The following CAST variants were observed in gnomAD, a reference collection of about 807,000 sequenced individuals.
The protein encoded by CAST is MIR583 host.
CAST carries 76 observed loss-of-function variants against 119.6 expected under a neutral mutation model. The observed-to-expected ratio is 0.64, with a 90% CI of 0.53 to 0.77. The LOEUF is 0.77. CAST is among the 30% of genes least tolerant of loss of function. CAST has a pLI of 0.00. For missense variants in CAST, 953 were observed against 946.5 expected, an observed-to-expected ratio of 1.01 and a Z score of -0.09; for synonymous variants, 319 against 331.6, an observed-to-expected ratio of 0.96 and a Z score of 0.41.
At chr5:96,114,995 G>A in the CAST span, among the ~76,000 whole-genome samples, 5 of 152,190 alleles carry the variant, frequency 3.3e-5, no homozygotes, top group East Asian at 9.6e-4. Context: ...TGTAGTATCT[G>A]TCTCATGGGG....
At chr5:96,604,501 A>C (rs1747215729) in intron 1 of CAST, among the ~76,000 whole-genome samples, 1 of 152,230 alleles carries the variant, frequency 6.6e-6, no homozygotes, top group South Asian at 2.1e-4. Flanking sequence ...AGAAATATGT[A>C]GAAAGAGGTC....
At chr5:96,105,810 G>A in the CAST span, among the ~76,000 whole-genome samples, 5 of 152,310 alleles carry the variant, frequency 3.3e-5, no homozygotes, top group South Asian at 2.1e-4. Context: ...AGAAGGAATG[G>A]TACCAGTTCC....
At chr5:96,364,330 G>A in the CAST span, among the ~76,000 whole-genome samples, 1 of 152,190 alleles carries the variant, frequency 6.6e-6, no homozygotes, top group Admixed American at 6.5e-5. Context: ...TTGGTATCAG[G>A]ATGATGCTGG....
chr5:96,318,429 G>A, the CAST span: 1 of 152,216 alleles, frequency 6.6e-6, no homozygotes, highest in Non-Finnish European at 1.5e-5. Context: ...AAGTTTTCAG[G>A]AACTGTGTTT....
chr5:96,163,750 C>T, the CAST span, among the ~76,000 whole-genome samples: 1 of 152,150 alleles, frequency 6.6e-6, no homozygotes, highest in East Asian at 1.9e-4. Flanking sequence ...ACCTACAATG[C>T]AATCTTGTGT....
At chr5:96,109,985 A>G in the CAST span, among the ~76,000 whole-genome samples, 7 of 152,190 alleles carry the variant, frequency 4.6e-5, no homozygotes, top group African/African-American at 1.7e-4. Context: ...ATCGAGTGGA[A>G]ATTTAGAAAT....
At chr5:96,259,597 G>A in the CAST span, among the ~76,000 whole-genome samples, 24 of 152,088 alleles carry the variant, frequency 1.6e-4, no homozygotes, top group African/African-American at 4.6e-4. Flanking sequence ...TTATACCTCC[G>A]ATCACAGTGA....
At chr5:96,103,848 C>A in the CAST span, among the ~76,000 whole-genome samples, 1 of 150,710 alleles carries the variant, frequency 6.6e-6, no homozygotes, top group Admixed American at 6.6e-5. Context: ...TTCTCCACAT[C>A]CTCTCCAGCA....
At chr5:96,663,083 C>G in intron 1 of CAST, 1 of 702,038 alleles carries the variant, frequency 1.4e-6, no homozygotes, top group Non-Finnish European at 2.6e-6. Flanking sequence ...ACGCAACACC[C>G]CGCGCCCTCG....
chr5:96,038,447 G>A, the CAST span, among the ~76,000 whole-genome samples: 1 of 151,720 alleles, frequency 6.6e-6, no homozygotes, highest in Admixed American at 6.6e-5. Context: ...AGGTATACAC[G>A]TGCCATGGTA....
the CAST span, among the ~76,000 whole-genome samples, chr5:96,451,555 G>A: frequency 6.6e-6 from 1 of 152,110 alleles, no homozygotes; most frequent in Non-Finnish European, 1.5e-5. Context: ...AGAAATCCTA[G>A]GCAATACCAT....
the CAST span, among the ~76,000 whole-genome samples, chr5:96,126,655 C>T: frequency 6.6e-6 from 1 of 152,052 alleles, no homozygotes; most frequent in Non-Finnish European, 1.5e-5. Context: ...CAAACTAGGG[C>T]ATCCTAAAAT....
chr5:96,084,103 T>C, the CAST span, among the ~76,000 whole-genome samples: 53 of 152,300 alleles, frequency 3.5e-4, no homozygotes, highest in South Asian at 6.2e-3. Flanking sequence ...CTTCCTATGA[T>C]TGCTGGTGAA....
At chr5:96,003,795 C>G in the CAST span, among the ~76,000 whole-genome samples, 3 of 152,110 alleles carry the variant, frequency 2.0e-5, no homozygotes, top group Non-Finnish European at 4.4e-5. Context: ...AATTAATAAG[C>G]TTTAGGTAAA....
the CAST span, among the ~76,000 whole-genome samples, chr5:96,054,967 A>G: frequency 6.6e-6 from 1 of 152,230 alleles, no homozygotes; most frequent in Non-Finnish European, 1.5e-5. Flanking sequence ...TTTCATGAAT[A>G]TGAAAGTACT....
chr5:96,726,803 G>T lies in CAST; in HGVS notation c.280G>T (p.Val94Phe). ...TGTGCTCTTATATTAGGCCATTCCA[G>T]TCAGCCAACAGATGGAAGGACCACA... Reference protein sequence around the residue: ...MNPTETKAIPVSQQMEGPHLP... With the variant: ...MNPTETKAIPFSQQMEGPHLP... The change falls in exon 5 of 32, where the codon GTC becomes TTC. Residue 94 changes from valine to phenylalanine, a missense_variant. By Grantham distance (50) the Val-to-Phe change is conservative. Coordinates refer to ENST00000675179, the MANE Select transcript of CAST (RefSeq NM_001750.7). 6.2e-7 allele frequency: 1 copy of T among 1,612,776 alleles called. No homozygotes were observed. The highest frequency in any genetic ancestry group is 1.1e-5 in the South Asian group (1 of 90,980).
At chr5:96,123,627 G>T in the CAST span, among the ~76,000 whole-genome samples, 2 of 152,128 alleles carry the variant, frequency 1.3e-5, no homozygotes, top group African/African-American at 2.4e-5. Context: ...CAAAACAGTT[G>T]CTGGTTCATT....
chr5:96,127,433 C>T, the CAST span, among the ~76,000 whole-genome samples: 1 of 152,050 alleles, frequency 6.6e-6, no homozygotes, highest in Non-Finnish European at 1.5e-5. Context: ...CTAATATCCT[C>T]AAGTGTTACC....
chr5:96,378,433 T>C, the CAST span, among the ~76,000 whole-genome samples: 1 of 152,176 alleles, frequency 6.6e-6, no homozygotes, highest in South Asian at 2.1e-4. Flanking sequence ...TGTATATGTA[T>C]ATCAAAACAT....
Sources: allele counts gnomAD v4.1 joint callset (sites outside exome capture counted in the v4.1 genomes callset), GRCh38; gene constraint gnomAD v4.1.1; transcripts MANE v1.5; gene names NCBI Gene and HGNC (gene_info 2026-07-23, HGNC 2026-07-21).